The following ZNF185 variants were observed in gnomAD, a reference collection of about 807,000 sequenced individuals.
The protein encoded by ZNF185 is zinc finger protein 185.
ZNF185 carries 56 observed loss-of-function variants against 58.6 expected under a neutral mutation model. The ratio of observed to expected loss-of-function variants is 0.95; its 90% CI spans 0.77 to 1.19. The LOEUF (loss-of-function observed/expected upper bound fraction) is 1.19, where lower values mean the gene tolerates loss of function less well. Among genes scored for constraint, ZNF185 ranks in the 50% most tolerant of loss-of-function variants. The pLI is 0.00. For synonymous variants in ZNF185, 230 were observed against 215.9 expected, an observed-to-expected ratio of 1.07 and a Z score of -0.57; for missense variants, 627 against 573.5, an observed-to-expected ratio of 1.09 and a Z score of -0.95.
intron 19 of ZNF185, 35 bp from the exon 22 acceptor site, chrX:152,967,131 TC>T: frequency 8.5e-7 from 1 of 1,183,305 alleles, no homozygotes; most frequent in Non-Finnish European, 1.1e-6. Context: ...TTGGCTCTCA[TC>T]TCTGCCCTCC....
chrX:152,957,043 T>G (rs1556905423), intron 16 of ZNF185, among the ~76,000 whole-genome samples: 1 of 109,261 alleles, frequency 9.2e-6, no homozygotes, highest in African/African-American at 3.3e-5. Flanking sequence ...AAATTTAGTA[T>G]TATCATACAT....
chrX:152,919,844 C>T (rs1603193869), intron 7 of ZNF185, among the ~76,000 whole-genome samples: 1 of 112,742 alleles, frequency 8.9e-6, no homozygotes, highest in East Asian at 2.8e-4. Flanking sequence ...TGCCAAAGGC[C>T]CTGGCAGATT....
At chrX:152,898,392 T>G in the ZNF185 span, among the ~76,000 whole-genome samples, 3 of 111,848 alleles carry the variant, frequency 2.7e-5, no homozygotes, top group Non-Finnish European at 3.8e-5. Flanking sequence ...CCCCCGGGAG[T>G]CAGTGGATTT....
chrX:152,916,991 C>T, intron 3 of ZNF185, 140 bp from the exon 5 acceptor site: 2 of 835,356 alleles, frequency 2.4e-6, no homozygotes. Context: ...GGGGCTGGCA[C>T]CCCTCGTTTC....
At position 152,948,036 on chromosome X, in the gene ZNF185, TAAG is replaced by T. The variant is rs2047955730; in HGVS notation, c.1409+2573_1409+2575del. On this transcript the variant is annotated intron_variant, in intron 16 of 22. Coordinates refer to ENST00000449285, the Ensembl canonical transcript of ZNF185. ...TTTGGAAAATAATTCCAAAAGGTCT[TAAG>T]GAGGAAGAGGAGCTACAGAGAGGTA... Among the ~76,000 whole-genome samples the T allele has an allele frequency of 2.7e-5, 3 of 112,231 alleles. No individual in the cohort carries two copies. The South Asian group carries it at 1.1e-3, about 42-fold the overall frequency.
At chrX:152,923,844 C>T (rs1412662926) in intron 11 of ZNF185, among the ~76,000 whole-genome samples, 6 of 112,054 alleles carry the variant, frequency 5.4e-5, no homozygotes, top group African/African-American at 1.9e-4. Context: ...CAGACTGGTA[C>T]TGATCCTCAG....
rs782422334 is a variant in ZNF185, at chrX:152,963,849, C to T, written c.1618C>T (p.Pro540Ser). 8.3e-6 allele frequency: 10 copies of T among 1,210,498 alleles called. No homozygotes were observed. The South Asian group carries it at 8.8e-5, about 11-fold the overall frequency. ...CTTTATTTCTTTCAGGGTGAGGAGC[C>T]CCTCGAGCTGCATGGTCACTGTTAC... The change falls in exon 18 of 23, where the codon CCC becomes TCC. Residue 540 changes from proline to serine, a missense_variant. By Grantham distance (74) the Pro-to-Ser change is moderately conservative. Transcript: ENST00000449285.
intron 15 of ZNF185, among the ~76,000 whole-genome samples, chrX:152,939,089 G>C (rs1414983802): frequency 2.7e-5 from 3 of 111,924 alleles, no homozygotes; most frequent in African/African-American, 6.5e-5. Context: ...ATGGTTAAGA[G>C]ATTGGATCTT....
At chrX:152,958,028 G>C (rs782570272) in intron 16 of ZNF185, among the ~76,000 whole-genome samples, 53 of 112,025 alleles carry the variant, frequency 4.7e-4, no homozygotes, top group African/African-American at 1.7e-3. Flanking sequence ...CGGGAGCCAA[G>C]CCACAACACA....
chrX:152,904,519 G>C, the ZNF185 span, among the ~76,000 whole-genome samples: 1 of 112,480 alleles, frequency 8.9e-6, no homozygotes, highest in Non-Finnish European at 1.9e-5. Flanking sequence ...ACAGGAGGCT[G>C]CTTCATCAAA....
At chrX:152,938,862 G>GTTCCT (rs1556885550) in intron 15 of ZNF185, among the ~76,000 whole-genome samples, 3 of 108,091 alleles carry the variant, frequency 2.8e-5, no homozygotes, top group Non-Finnish European at 3.9e-5. Flanking sequence ...AGTGAGGAGG[G>GTTCCT]TACTACTTAG....
At position 152,922,183 on chromosome X, in the gene ZNF185, GT is replaced by G. The variant is rs782291021; in HGVS notation, c.668del (p.Val223GlyfsTer67). 8.4e-7 allele frequency: 1 copy of G among 1,195,624 alleles called. No homozygotes were observed. The highest frequency in any genetic ancestry group is 2.3e-5 in the Admixed American group (1 of 43,837). ...TCTTCTTGCTCAAAGGGTGGAGGTG[GT>G]GGAAGAGGACGGGCCTTCTGAGAAG... On this transcript the variant is annotated frameshift_variant, in exon 10 of 23. Transcript: ENST00000449285. LOFTEE classifies it high-confidence loss of function.
intron 16 of ZNF185, among the ~76,000 whole-genome samples, chrX:152,949,306 G>T (rs1232173585): frequency 2.7e-5 from 3 of 112,808 alleles, no homozygotes; most frequent in African/African-American, 9.6e-5. Context: ...TGGCTGGATT[G>T]CCCTGGCACA....
intron 14 of ZNF185, 55 bp from the exon 17 acceptor site, chrX:152,938,019 G>A: frequency 9.0e-7 from 1 of 1,115,418 alleles, no homozygotes; most frequent in Non-Finnish European, 1.2e-6. Flanking sequence ...GGGAAGACCT[G>A]GGCCCCAGCC....
the ZNF185 span, among the ~76,000 whole-genome samples, chrX:152,903,384 G>A: frequency 5.1e-5 from 2 of 39,535 alleles, no homozygotes; most frequent in African/African-American, 1.4e-4. Context: ...AGCGAGACTC[G>A]TCTCAAAAAA....
chrX:152,932,980 C>T lies in ZNF185; in HGVS notation c.1121+9C>T. ...GGCTCCGAGAGAGGAAGGTGAGCTG[C>T]CCGGGGGAGGCAGGTTCTCTCATGC... On this transcript the variant is annotated intron_variant, in intron 14 of 22. Transcript: ENST00000449285. 2 of 1,167,709 alleles carry T rather than the reference C, an allele frequency of 1.7e-6. 1 individual carries two copies. Among genetic ancestry groups the T allele is most frequent in the South Asian group, 3.8e-5 (2 of 52,197 alleles).
At chrX:152,924,661 CCTTT>C (rs1280449685) in intron 11 of ZNF185, among the ~76,000 whole-genome samples, 1 of 111,672 alleles carries the variant, frequency 9.0e-6, no homozygotes, top group South Asian at 3.8e-4. Flanking sequence ...GTTTCAGGTG[CCTTT>C]CTGTTTGTTC....
exon 3 of ZNF185, chrX:152,915,169 T>A (rs1556864896): frequency 1.7e-6 from 2 of 1,210,148 alleles, no homozygotes; most frequent in Non-Finnish European, 2.2e-6. Flanking sequence ...TCGCGCCACA[T>A]CCTTTTCATC....
chrX:152,905,719 G>C, the ZNF185 span, among the ~76,000 whole-genome samples: 17 of 105,452 alleles, frequency 1.6e-4, no homozygotes, highest in East Asian at 2.9e-4. Context: ...GGCTTGGGGG[G>C]GGGGCGGGGT....
Sources: gnomAD v4.1 joint callset for allele counts (sites outside exome capture counted in the v4.1 genomes callset) on GRCh38, gnomAD v4.1.1 for gene constraint, MANE v1.5 for transcripts, NCBI Gene and HGNC (gene_info 2026-07-23, HGNC 2026-07-21) for gene names.